RAB38: variants seen among roughly 807,000 people sequenced by gnomAD.
The protein encoded by RAB38 is ras-related protein Rab-38.
In RAB38, 15 loss-of-function variants were observed where a neutral mutation model predicts 18.4. The observed-to-expected ratio is 0.82, with a 90% CI of 0.55 to 1.26. The LOEUF (loss-of-function observed/expected upper bound fraction) is 1.26. Among genes scored for constraint, RAB38 ranks in the 50% most tolerant of loss-of-function variants. The pLI, the probability that RAB38 is intolerant of heterozygous loss-of-function variation, is 0.00. For missense variants in RAB38, 294 were observed against 267.4 expected, an observed-to-expected ratio of 1.10 and a Z score of -0.69; for synonymous variants, 101 against 104.4, an observed-to-expected ratio of 0.97 and a Z score of 0.20.
At chr11:88,047,941 C>T in the RAB38 span, among the ~76,000 whole-genome samples, 1 of 152,210 alleles carries the variant, frequency 6.6e-6, no homozygotes, top group Non-Finnish European at 1.5e-5. Context: ...CCATTCTATT[C>T]TGTCGTCATT....
chr11:88,072,689 A>G, the RAB38 span, among the ~76,000 whole-genome samples: 1 of 152,194 alleles, frequency 6.6e-6, no homozygotes, highest in African/African-American at 2.4e-5. Context: ...TTTAAACTGA[A>G]TATTTATGAC....
At chr11:88,078,694 A>T in the RAB38 span, among the ~76,000 whole-genome samples, 1 of 151,924 alleles carries the variant, frequency 6.6e-6, no homozygotes, top group South Asian at 2.1e-4. Context: ...TAAGATAGAG[A>T]GTAGACTGGT....
chr11:87,976,988 ACATTATACAAG>A, the RAB38 span, among the ~76,000 whole-genome samples: 6 of 28,342 alleles, frequency 2.1e-4, 2 homozygotes, highest in African/African-American at 8.6e-4. Flanking sequence ...AAATATAATT[ACATTATACAAG>A]TATATTATAA....
the RAB38 span, among the ~76,000 whole-genome samples, chr11:88,016,613 G>A: frequency 4.6e-5 from 7 of 151,876 alleles, no homozygotes; most frequent in Non-Finnish European, 1.5e-5. Context: ...TGCCACAAGG[G>A]GGAGCACTAA....
At chr11:87,904,951 C>T in the RAB38 span, among the ~76,000 whole-genome samples, 1 of 151,690 alleles carries the variant, frequency 6.6e-6, no homozygotes, top group Non-Finnish European at 1.5e-5. Context: ...TATTTCTTTA[C>T]ATATTTTTCC....
chr11:87,975,180 G>T, the RAB38 span, among the ~76,000 whole-genome samples: 6 of 151,930 alleles, frequency 3.9e-5, no homozygotes, highest in Admixed American at 1.3e-4. Context: ...CATAGGATTT[G>T]GGGCTCATCT....
the RAB38 span, among the ~76,000 whole-genome samples, chr11:87,958,223 G>C: frequency 6.6e-6 from 1 of 152,160 alleles, no homozygotes; most frequent in Non-Finnish European, 1.5e-5. Context: ...CCCGGCTGTA[G>C]GCCAATGTAA....
the RAB38 span, among the ~76,000 whole-genome samples, chr11:88,033,069 C>T: frequency 6.6e-6 from 1 of 152,240 alleles, no homozygotes; most frequent in South Asian, 2.1e-4. Context: ...GAGTTCATGT[C>T]CTTTGTAGGG....
At chr11:87,890,312 A>C in the RAB38 span, among the ~76,000 whole-genome samples, 1 of 151,846 alleles carries the variant, frequency 6.6e-6, no homozygotes, top group East Asian at 2.0e-4. Context: ...GTTCAAACAC[A>C]TTCACTTTGC....
At chr11:88,090,235 T>C in the RAB38 span, among the ~76,000 whole-genome samples, 1 of 152,026 alleles carries the variant, frequency 6.6e-6, no homozygotes, top group Non-Finnish European at 1.5e-5. Flanking sequence ...CTAATTTGTA[T>C]TGAATCCAAA....
chr11:87,969,554 T>G, the RAB38 span, among the ~76,000 whole-genome samples: 5 of 152,158 alleles, frequency 3.3e-5, no homozygotes, highest in Admixed American at 6.6e-5. Flanking sequence ...ATTTAACTAC[T>G]ATTATTCAAT....
the RAB38 span, among the ~76,000 whole-genome samples, chr11:88,036,033 T>G: frequency 6.6e-6 from 1 of 152,178 alleles, no homozygotes; most frequent in Non-Finnish European, 1.5e-5. Context: ...GTTTTATAGT[T>G]GTTCTTAGTT....
the RAB38 span, among the ~76,000 whole-genome samples, chr11:88,049,233 G>A: frequency 6.6e-6 from 1 of 152,088 alleles, no homozygotes; most frequent in African/African-American, 2.4e-5. Flanking sequence ...AGGTGTCTGA[G>A]CCAAAGCTAA....
At chr11:88,038,149 T>C in the RAB38 span, among the ~76,000 whole-genome samples, 1 of 152,174 alleles carries the variant, frequency 6.6e-6, no homozygotes, top group Admixed American at 6.5e-5. Context: ...GCTTTTTCAG[T>C]TACATGACCC....
At chr11:88,032,757 G>A in the RAB38 span, among the ~76,000 whole-genome samples, 10,982 of 152,222 alleles carry the variant, frequency 0.072, 644 homozygotes, top group African/African-American at 0.14. Context: ...GAAGAAATAG[G>A]AACACTTTTA....
the RAB38 span, among the ~76,000 whole-genome samples, chr11:87,880,567 T>C: frequency 6.6e-6 from 1 of 151,826 alleles, no homozygotes; most frequent in African/African-American, 2.4e-5. Flanking sequence ...CACTGACTAA[T>C]ACACTGTTTC....
the RAB38 span, among the ~76,000 whole-genome samples, chr11:87,947,740 G>C: frequency 6.6e-6 from 1 of 152,110 alleles, no homozygotes. Flanking sequence ...TGTTCCATTG[G>C]TCTATATCTC....
chr11:87,953,094 T>TTCATATATTCATCTAATA, the RAB38 span, among the ~76,000 whole-genome samples: 1 of 152,140 alleles, frequency 6.6e-6, no homozygotes, highest in South Asian at 2.1e-4. Flanking sequence ...TGATGATCAT[T>TTCATATATTCATCTAATA]TCATATATTC....
the RAB38 span, among the ~76,000 whole-genome samples, chr11:88,063,064 G>A: frequency 6.6e-6 from 1 of 151,980 alleles, no homozygotes; most frequent in Non-Finnish European, 1.5e-5. Context: ...CTGTCTCAAG[G>A]GATAGATCTA....
Sources: allele counts gnomAD v4.1 joint callset (sites outside exome capture counted in the v4.1 genomes callset), GRCh38; gene constraint gnomAD v4.1.1; transcripts MANE v1.5; gene names NCBI Gene and HGNC (gene_info 2026-07-23, HGNC 2026-07-21).